The following RPA3 variants were observed in gnomAD, a reference collection of about 807,000 sequenced individuals.
RPA3 encodes replication protein A 14 kDa subunit.
A neutral mutation model predicts 13.7 loss-of-function variants in RPA3; 24 were observed. The observed-to-expected ratio is 1.75, with a 90% CI of 1.27 to 2.46. The LOEUF (loss-of-function observed/expected upper bound fraction) is 2.46. RPA3 is among the 30% of genes most tolerant of loss of function. RPA3 has a pLI of 0.00. For missense variants in RPA3, 183 were observed against 151.0 expected (o/e 1.21, Z -1.11); for synonymous variants, 59 against 51.2 (o/e 1.15, Z -0.65).
At chr7:7,653,489 C>G (rs2115552485) in intron 4 of RPA3, among the ~76,000 whole-genome samples, 1 of 152,206 alleles carries the variant, frequency 6.6e-6, no homozygotes, top group Non-Finnish European at 1.5e-5. Context: ...CTGTGGTTTT[C>G]ACATGTATAG....
intron 4 of RPA3, among the ~76,000 whole-genome samples, chr7:7,663,911 G>A (rs1779364962): frequency 6.6e-6 from 1 of 152,158 alleles, no homozygotes; most frequent in Non-Finnish European, 1.5e-5. Context: ...TAACCTGAAT[G>A]GGTGAGCTAG....
chr7:7,687,413 C>T (rs949854889), intron 2 of RPA3, 85 bp from the exon 3 acceptor site: 2 of 152,256 alleles, frequency 1.3e-5, no homozygotes, highest in African/African-American at 2.4e-5. Context: ...GAGAATGATT[C>T]TGAGGTAGCA....
intron 2 of RPA3, among the ~76,000 whole-genome samples, chr7:7,688,811 C>A (rs1019818661): frequency 6.6e-6 from 1 of 152,144 alleles, no homozygotes; most frequent in South Asian, 2.1e-4. Flanking sequence ...AAAAGCTGAT[C>A]CTCAGTCTGT....
chr7:7,687,945 G>C (rs1486207114), intron 2 of RPA3, among the ~76,000 whole-genome samples: 2 of 152,176 alleles, frequency 1.3e-5, no homozygotes, highest in African/African-American at 4.8e-5. Context: ...ATGCTTGGCA[G>C]CACCAAAGGA....
chr7:7,648,251 A>C (rs956557033), intron 4 of RPA3, among the ~76,000 whole-genome samples: 1 of 152,198 alleles, frequency 6.6e-6, no homozygotes, highest in African/African-American at 2.4e-5. Context: ...CTAGCGTTTG[A>C]CAGATCATGA....
In RPA3 at chr7:7,718,498, T is replaced by C. The variant is rs993954776; in HGVS notation, c.-1080+17A>G. The C allele has an allele frequency of 9.2e-5, 14 of 152,178 alleles. No individual in the cohort carries two copies. Among genetic ancestry groups the C allele is most frequent in the Non-Finnish European group, 1.6e-4 (11 of 68,026 alleles). 9.4% of individuals were successfully genotyped at this position (152,178 alleles called of 1,614,324 possible). A position where few individuals can be genotyped will look rare whatever the true frequency, so the allele number is the denominator to read the frequency against. The stretch of plus-strand genomic sequence containing the variant: ...AGGAAAAAACTATGTATCCAACAAA[T>C]TCAAACAGATACTTACAAAATTAAG... On this transcript the variant is annotated intron_variant, in intron 1 of 7. Coordinates refer to ENST00000223129, the MANE Select transcript of RPA3 (RefSeq NM_002947.5).
At chr7:7,643,605 G>C (rs976870585) in intron 4 of RPA3, among the ~76,000 whole-genome samples, 7 of 152,024 alleles carry the variant, frequency 4.6e-5, no homozygotes, top group African/African-American at 1.7e-4. Context: ...CCAGCTACTC[G>C]GGAGGCTGAG....
intron 4 of RPA3, among the ~76,000 whole-genome samples, chr7:7,680,886 G>T (rs962763591): frequency 6.6e-6 from 1 of 151,714 alleles, no homozygotes; most frequent in African/African-American, 2.4e-5. Context: ...TTTGTATGTT[G>T]ATTTTGTATG....
At chr7:7,676,828 T>G (rs1391829244) in intron 4 of RPA3, among the ~76,000 whole-genome samples, 1 of 152,188 alleles carries the variant, frequency 6.6e-6, no homozygotes. Flanking sequence ...CAGATAAAGA[T>G]CTTGACAGAT....
chr7:7,655,894 G>C (rs920999632), intron 4 of RPA3, among the ~76,000 whole-genome samples: 21 of 152,070 alleles, frequency 1.4e-4, no homozygotes, highest in Non-Finnish European at 4.4e-5. Flanking sequence ...GGAATGCCAT[G>C]GTGTGATCTT....
intron 2 of RPA3, among the ~76,000 whole-genome samples, chr7:7,701,548 T>C (rs573549347): frequency 6.6e-5 from 10 of 152,196 alleles, no homozygotes; most frequent in Non-Finnish European, 1.2e-4. Flanking sequence ...TATGAAGTAG[T>C]ATTTTTCTGA....
At chr7:7,646,776 A>G (rs541453875) in intron 4 of RPA3, among the ~76,000 whole-genome samples, 8 of 152,034 alleles carry the variant, frequency 5.3e-5, no homozygotes, top group African/African-American at 1.9e-4. Context: ...ACTCCCCTCG[A>G]CACTCAGATG....
chr7:7,654,100 C>A (rs150601602), intron 4 of RPA3, among the ~76,000 whole-genome samples: 12 of 152,224 alleles, frequency 7.9e-5, no homozygotes, highest in African/African-American at 2.4e-4. Flanking sequence ...GCTAGGCTAC[C>A]CTTCTTGATT....
At chr7:7,704,970 C>A (rs138514751) in intron 2 of RPA3, among the ~76,000 whole-genome samples, 1 of 152,226 alleles carries the variant, frequency 6.6e-6, no homozygotes, top group East Asian at 1.9e-4. Flanking sequence ...TGGATAAACT[C>A]AGCATGCCTT....
intron 4 of RPA3, among the ~76,000 whole-genome samples, chr7:7,665,888 A>G (rs1268900406): frequency 1.4e-5 from 2 of 147,802 alleles, no homozygotes; most frequent in Non-Finnish European, 3.0e-5. Flanking sequence ...CCCTTTTACT[A>G]CCGAATGGGA....
At chr7:7,694,350 A>G (rs1780254753) in intron 2 of RPA3, among the ~76,000 whole-genome samples, 1 of 152,142 alleles carries the variant, frequency 6.6e-6, no homozygotes, top group African/African-American at 2.4e-5. Context: ...CCATCACGTC[A>G]AGCATTTATC....
intron 4 of RPA3, among the ~76,000 whole-genome samples, chr7:7,669,210 C>T (rs1779544221): frequency 6.6e-6 from 1 of 151,940 alleles, no homozygotes; most frequent in Non-Finnish European, 1.5e-5. Context: ...TACTTGGGAT[C>T]TTGGAACATG....
At chr7:7,715,649 A>G (rs1453479086) in intron 1 of RPA3, among the ~76,000 whole-genome samples, 1 of 152,230 alleles carries the variant, frequency 6.6e-6, no homozygotes, top group Non-Finnish European at 1.5e-5. Flanking sequence ...AAATGAAAAT[A>G]AAGATCCACA....
chr7:7,669,750 C>T (rs954483025), intron 4 of RPA3, among the ~76,000 whole-genome samples: 1 of 152,314 alleles, frequency 6.6e-6, no homozygotes, highest in Middle Eastern at 3.4e-3. Context: ...GAGTGATAGA[C>T]ACGAGGGTGA....
Sources: allele counts gnomAD v4.1 joint callset (sites outside exome capture counted in the v4.1 genomes callset), GRCh38; gene constraint gnomAD v4.1.1; transcripts MANE v1.5; gene names NCBI Gene and HGNC (gene_info 2026-07-23, HGNC 2026-07-21).